PIGZ: variants seen among roughly 807,000 people sequenced by gnomAD.
PIGZ encodes the protein GPI alpha-1,2-mannosyltransferase 4.
A neutral mutation model predicts 16.4 loss-of-function variants in PIGZ; 16 were observed. That is an observed-to-expected ratio of 0.97 (90% CI 0.66 to 1.48). The LOEUF is 1.48. PIGZ is among the 40% of genes most tolerant of loss of function. The probability of loss-of-function intolerance (pLI) is 0.00; values close to 1 mark genes in which losing one functional copy is unlikely to be tolerated. For missense variants in PIGZ, 770 were observed against 739.2 expected (o/e 1.04, Z -0.48); for synonymous variants, 409 against 338.4 (o/e 1.21, Z -2.29).
Position 196,952,003 on chromosome 3 carries a change from G to A in PIGZ, c.29C>T (p.Ser10Phe). ...CTGGAATGATGTCCCAGCTGCTACA[G>A]ATGCTACGCTGGATCCACAGATCTG... MQICGSSVA[S>F]VAAGTSFQVL... The change falls in exon 2 of 3, where the codon TCT (serine) becomes TTT (phenylalanine). Residue 10 changes from serine (S) to phenylalanine (F), a missense_variant. Transcript: ENST00000412723. The A allele has an allele frequency of 6.2e-7, 1 of 1,614,166 alleles. No individual in the cohort carries two copies. The highest frequency in any genetic ancestry group is 1.1e-5 in the South Asian group (1 of 91,058).
Position 196,947,798 on chromosome 3 carries a change from T to G in PIGZ, c.1099A>C (p.Arg367=). The change falls in exon 3 of 3, where the codon AGG becomes CGG. Residue 367 remains arginine, a synonymous_variant. Transcript: ENST00000412723. ...LGARSLLSSP[R]SYLLLLYFMP... ...AAGTAGAGGAGAAGGAGATAGGACC[T>G]GGGGCTGGACAGCAGGCTCCGGGCA... 1.2e-6 allele frequency: 2 copies of G among 1,607,940 alleles called. No individual in the cohort carries two copies. Among genetic ancestry groups the G allele is most frequent in the Non-Finnish European group, 1.7e-6 (2 of 1,176,142 alleles).
rs536701143 is a variant in PIGZ at position 196,965,157 on chromosome 3, G to C, written c.-1+3530C>G. On this transcript the variant is annotated intron_variant, in intron 1 of 2. Transcript: ENST00000412723. The surrounding 1 kb of genome is among the most constrained non-coding windows in gnomAD (Gnocchi z 4.2). The stretch of plus-strand genomic sequence containing the variant: ...TACTGTGTTAATCTATTCTCACACT[G>C]CTATAAAGAACTGCCCAAGACTGGG... 2.6e-5 allele frequency among the ~76,000 whole-genome samples: 4 copies of C among 152,316 alleles called. No individual in the cohort carries two copies. The East Asian group carries it at 5.8e-4, about 22-fold the overall frequency.
chr3:196,957,821 C>T (rs1717560002), intron 1 of PIGZ, among the ~76,000 whole-genome samples: 1 of 152,136 alleles, frequency 6.6e-6, no homozygotes, highest in African/African-American at 2.4e-5. Flanking sequence ...GCTACCAAGT[C>T]CTGAAAACCT....
Position 196,948,534 on chromosome 3 carries a change from G to T in PIGZ, c.363C>A (p.Ser121Arg), listed in dbSNP as rs764204473. ...GAGGCCCCACCAGCAGCGCATAGCC[G>T]CTCACCAGGCCAGGCCACGGCCCCA... ...EELGPWPGLVSGYALLVGPRL... is the reference protein window; with the variant it reads ...EELGPWPGLVRGYALLVGPRL... Residue 121 changes from serine (S) to arginine (R), a missense_variant, in exon 3 of 3, where the codon AGC (serine) becomes AGA (arginine). Physicochemically the swap from Ser to Arg is moderately radical, Grantham distance 110. Transcript: ENST00000412723. The T allele has an allele frequency of 6.2e-7, 1 of 1,609,122 alleles. No individual in the cohort carries two copies. Among genetic ancestry groups the T allele is most frequent in the Non-Finnish European group, 8.5e-7 (1 of 1,177,846 alleles).
At chr3:196,960,777 T>C (rs984251066) in intron 1 of PIGZ, among the ~76,000 whole-genome samples, 1 of 80,272 alleles carries the variant, frequency 1.2e-5, no homozygotes, top group Non-Finnish European at 2.8e-5. Flanking sequence ...AGAAAACAAC[T>C]ACCTGCCTAT....
At chr3:196,952,689 G>T (rs939784197) in intron 1 of PIGZ, among the ~76,000 whole-genome samples, 1 of 152,198 alleles carries the variant, frequency 6.6e-6, no homozygotes, top group African/African-American at 2.4e-5. Flanking sequence ...GCCCACTTTG[G>T]CCTCCCAAAC....
At chr3:196,963,108 G>A (rs1476488094) in intron 1 of PIGZ, among the ~76,000 whole-genome samples, 2 of 152,204 alleles carry the variant, frequency 1.3e-5, no homozygotes, top group Admixed American at 6.5e-5. Context: ...TTCGTGGTTC[G>A]TCCGTGTTGT....
chr3:196,963,388 G>A (rs1717798029), intron 1 of PIGZ, among the ~76,000 whole-genome samples: 1 of 152,212 alleles, frequency 6.6e-6, no homozygotes, highest in South Asian at 2.1e-4. Context: ...GTTTTCCAAA[G>A]TGGCTGTATC....
Position 196,948,857 on chromosome 3 carries a change from CCCTTCCTTCCCTT to C in PIGZ, c.212-185_212-173del, listed in dbSNP as rs1350399015. On this transcript the variant is annotated intron_variant, in intron 2 of 2. Transcript: ENST00000412723. ...TCCCTCCCTCTCTCCCTCCTTCTTTCCCTTCCTTCCCTTCCTTCCTTCCCTTCCTTCCCCTTCC... is the reference window on the plus strand; with the variant it reads ...TCCCTCCCTCTCTCCCTCCTTCTTTCCCTTCCTTCCCTTCCTTCCCCTTCC... Among the ~76,000 whole-genome samples the C allele has an allele frequency of 7.6e-5, 9 of 118,954 alleles. 2 individuals are homozygous for C. Among genetic ancestry groups the C allele is most frequent in the African/African-American group, 2.2e-4 (6 of 27,794 alleles). 78.0% of individuals were successfully genotyped at this position (118,954 alleles called of 152,430 possible).
In PIGZ at chr3:196,948,531, G is replaced by A; in HGVS notation, c.366C>T (p.Gly122=). 3 of 1,610,614 alleles carry A rather than the reference G, an allele frequency of 1.9e-6. No individual in the cohort carries two copies. Among genetic ancestry groups the A allele is most frequent in the South Asian group, 1.1e-5 (1 of 90,758 alleles). ...GTCGAGGCCCCACCAGCAGCGCATA[G>A]CCGCTCACCAGGCCAGGCCACGGCC... ...ELGPWPGLVS[G]YALLVGPRLL... is the part of the protein sequence containing the mutation. The change falls in exon 3 of 3, where the codon GGC becomes GGT. Residue 122 remains glycine, a synonymous_variant. Coordinates refer to ENST00000412723, the MANE Select transcript of PIGZ (RefSeq NM_025163.4).
intron 1 of PIGZ, among the ~76,000 whole-genome samples, chr3:196,962,723 C>T (rs1717769685): frequency 1.3e-5 from 2 of 152,150 alleles, no homozygotes; most frequent in African/African-American, 4.8e-5. Context: ...TAAATCTAGC[C>T]TACGTGCACA....
intron 1 of PIGZ, among the ~76,000 whole-genome samples, chr3:196,964,195 C>T (rs924310286): frequency 2.0e-5 from 3 of 152,064 alleles, no homozygotes; most frequent in Admixed American, 1.3e-4. Context: ...GGACTACAGG[C>T]GACTGCCACC....
intron 2 of PIGZ, among the ~76,000 whole-genome samples, chr3:196,950,669 C>T (rs945760206): frequency 6.6e-6 from 1 of 151,930 alleles, no homozygotes; most frequent in Non-Finnish European, 1.5e-5. Context: ...ACTTAAAAAA[C>T]AAATTCACCT....
chr3:196,948,907 TCCCC>T (rs1717098679), intron 2 of PIGZ, among the ~76,000 whole-genome samples: 1 of 26,562 alleles, frequency 3.8e-5, no homozygotes, highest in South Asian at 1.5e-3. Context: ...TCCCTTCCCC[TCCCC>T]TCCCTTCCCT....
chr3:196,961,263 G>C (rs1188931390), intron 1 of PIGZ, among the ~76,000 whole-genome samples: 1 of 152,246 alleles, frequency 6.6e-6, no homozygotes, highest in Non-Finnish European at 1.5e-5. Context: ...CGGGACAGAA[G>C]TAGTAGCTCC....
At chr3:196,967,023 C>T (rs6783852) in intron 1 of PIGZ, among the ~76,000 whole-genome samples, 3 of 151,662 alleles carry the variant, frequency 2.0e-5, no homozygotes, top group African/African-American at 7.3e-5. Flanking sequence ...TCCCGCGCGC[C>T]TGTGTGGGAG....
intron 1 of PIGZ, among the ~76,000 whole-genome samples, chr3:196,959,034 TAGGTC>T (rs796083181): frequency 7.9e-4 from 120 of 152,318 alleles, no homozygotes; most frequent in African/African-American, 2.6e-3. Context: ...ATGCTATACC[TAGGTC>T]TCTGAGCTGG....
At position 196,948,947 on chromosome 3, in the gene PIGZ, C is replaced by CCTT. The variant is rs1560181157; in HGVS notation, c.212-263_212-262insAAG. Among the ~76,000 whole-genome samples, 29 of 28,874 alleles carry CCTT rather than the reference C, an allele frequency of 1.0e-3. 7 individuals carry two copies. Among genetic ancestry groups the CCTT allele is most frequent in the Non-Finnish European group, 1.3e-3 (20 of 15,120 alleles). The allele number at this position is 28,874 out of a possible 152,430, so 18.9% of individuals were successfully genotyped here. A position where few individuals can be genotyped will look rare whatever the true frequency, so the allele number is the denominator to read the frequency against. On this transcript the variant is annotated intron_variant, in intron 2 of 2. Coordinates refer to ENST00000412723, the MANE Select transcript of PIGZ (RefSeq NM_025163.4). ...TCCTTCCCTTTACTTCCCTTCCTTC[C>CCTT]CCTCCCCTCCCTTCCTTCCCTTCCC...
intron 1 of PIGZ, among the ~76,000 whole-genome samples, chr3:196,956,305 G>A (rs1717481996): frequency 1.3e-5 from 2 of 152,168 alleles, no homozygotes; most frequent in Non-Finnish European, 2.9e-5. Context: ...CACATGGCTG[G>A]GGAGGCCTCA....
Sources: allele counts gnomAD v4.1 joint callset (sites outside exome capture counted in the v4.1 genomes callset), GRCh38; gene constraint gnomAD v4.1.1; non-coding constraint Gnocchi (gnomAD v3.1); transcripts MANE v1.5; gene names NCBI Gene and HGNC (gene_info 2026-07-23, HGNC 2026-07-21).